NEK8: variants seen among roughly 807,000 people sequenced by gnomAD.
NEK8 encodes serine/threonine-protein kinase Nek8.
NEK8 carries 51 observed loss-of-function variants against 77.2 expected under a neutral mutation model. The ratio of observed to expected loss-of-function variants is 0.66; its 90% CI spans 0.53 to 0.83. The LOEUF (loss-of-function observed/expected upper bound fraction) is 0.83, where lower values mean the gene tolerates loss of function less well. NEK8 is among the 40% of genes least tolerant of loss of function. The probability of loss-of-function intolerance (pLI) is 0.00; values close to 1 mark genes in which losing one functional copy is unlikely to be tolerated. For missense variants in NEK8, 787 were observed against 909.2 expected (o/e 0.87, Z 1.73); for synonymous variants, 365 against 363.2 (o/e 1.00, Z -0.06).
In NEK8 at chr17:28,740,936, G is replaced by T; in HGVS notation, c.1683G>T (p.Glu561Asp). The change falls in exon 12 of 15, where the codon GAG (glutamate) becomes GAT (aspartate). Residue 561 changes from glutamate to aspartate, a missense_variant. This residue lies in a region of NEK8 where 516 missense variants were observed against 544.0 expected (regional missense o/e 0.95). Coordinates refer to ENST00000268766, the MANE Select transcript of NEK8 (RefSeq NM_178170.3). This position sits in a 1 kb window ranked among gnomAD's most constrained non-coding sequence, Gnocchi z 4.7. ...TAGGCTCTGCACCCCTGGACCAGGAGCCTCTGCTGAGTATAGACCTGGGCA... is the reference window on the plus strand; with the variant it reads ...TAGGCTCTGCACCCCTGGACCAGGATCCTCTGCTGAGTATAGACCTGGGCA... ...TLLGSAPLDQEPLLSIDLGTA... is the reference protein window; with the variant it reads ...TLLGSAPLDQDPLLSIDLGTA... The T allele has an allele frequency of 6.2e-7, 1 of 1,614,146 alleles. No homozygotes were observed. The highest frequency in any genetic ancestry group is 8.5e-7 in the Non-Finnish European group (1 of 1,180,018).
intron 1 of NEK8, among the ~76,000 whole-genome samples, chr17:28,730,693 A>C (rs548935345): frequency 1.3e-5 from 2 of 150,728 alleles, no homozygotes; most frequent in Non-Finnish European, 1.5e-5. Flanking sequence ...GAGATGGGCA[A>C]TTGCTTGAGC....
In NEK8 at chr17:28,741,723, C is replaced by T; in HGVS notation, c.2050+152C>T. The T allele has an allele frequency of 8.7e-7, 1 of 1,144,542 alleles. No individual in the cohort carries two copies. Among genetic ancestry groups the T allele is most frequent in the Non-Finnish European group, 1.3e-6 (1 of 770,348 alleles). The allele number at this position is 1,144,542 out of a possible 1,614,324, so 70.9% of individuals were successfully genotyped here. A position where few individuals can be genotyped will look rare whatever the true frequency, so the allele number is the denominator to read the frequency against. ...GCTGCGGTTGAAAAGCTTCAAGCTTCCTGCCTGGGGTGGCCAAGGCTGGTG... is the reference window on the plus strand; with the variant it reads ...GCTGCGGTTGAAAAGCTTCAAGCTTTCTGCCTGGGGTGGCCAAGGCTGGTG... On this transcript the variant is annotated intron_variant, in intron 14 of 14. Transcript: ENST00000268766. This position sits in a 1 kb window ranked among gnomAD's most constrained non-coding sequence, Gnocchi z 4.5.
chr17:28,741,957 A>G lies in NEK8; in HGVS notation c.2051-2A>G. ...CAAGGGTTTCTCTTCGGTACCCTCC[A>G]GCGGTCACAGATGAGCCGGTCCCCC... is the stretch of plus-strand genomic sequence containing the variant. On this transcript the variant is annotated splice_acceptor_variant, in intron 14 of 14. Coordinates refer to ENST00000268766, the MANE Select transcript of NEK8 (RefSeq NM_178170.3). LOFTEE classifies it high-confidence loss of function. The surrounding 1 kb of genome is among the most constrained non-coding windows in gnomAD (Gnocchi z 4.5). 6.2e-7 allele frequency: 1 copy of G among 1,614,090 alleles called. No homozygotes were observed. Among genetic ancestry groups the G allele is most frequent in the Non-Finnish European group, 8.5e-7 (1 of 1,179,994 alleles).
rs756411828 is a variant in NEK8 at position 28,734,082 on chromosome 17, G to A, written c.147G>A (p.Gln49=). ...QMTKEERQAA[Q]NECQVLKLLN... is the part of the protein sequence containing the mutation. Reference sequence around the variant, plus strand: ...CCAAGGAAGAGCGGCAGGCAGCCCAGAATGAGTGCCAGGTCCTCAAGCTGC... The same window carrying A: ...CCAAGGAAGAGCGGCAGGCAGCCCAAAATGAGTGCCAGGTCCTCAAGCTGC... The change falls in exon 2 of 15, where the codon CAG becomes CAA. Residue 49 remains glutamine (Q), a synonymous_variant. Coordinates refer to ENST00000268766, the MANE Select transcript of NEK8 (RefSeq NM_178170.3). 1 of 1,613,952 alleles carries A rather than the reference G, an allele frequency of 6.2e-7. No homozygotes were observed. The highest frequency in any genetic ancestry group is 1.1e-5 in the South Asian group (1 of 91,070).
At position 28,740,023 on chromosome 17, in the gene NEK8, C is replaced by T. The variant is rs912693083; in HGVS notation, c.1418-440C>T. Among the ~76,000 whole-genome samples, 14 of 151,978 alleles carry T rather than the reference C, an allele frequency of 9.2e-5. No individual in the cohort carries two copies. Among genetic ancestry groups the T allele is most frequent in the African/African-American group, 3.1e-4 (13 of 41,390 alleles). On this transcript the variant is annotated intron_variant, in intron 10 of 14. Coordinates refer to ENST00000268766, the MANE Select transcript of NEK8 (RefSeq NM_178170.3). This position sits in a 1 kb window ranked among gnomAD's most constrained non-coding sequence, Gnocchi z 4.7. ...GATTTTGAGCCGGCGTGGTGGCTCA[C>T]GCCTGTAATCCCAGCACTTTGGGAG...
rs960199397 is a variant in NEK8, at chr17:28,741,633, C to T, written c.2050+62C>T. On this transcript the variant is annotated intron_variant, in intron 14 of 14. Coordinates refer to ENST00000268766, the MANE Select transcript of NEK8 (RefSeq NM_178170.3). The surrounding 1 kb of genome is among the most constrained non-coding windows in gnomAD (Gnocchi z 4.5). ...AGCTGGCCCCTGTCCACACTCCCAT[C>T]CCCAGTGTTCACAGATGGCCACATC... The T allele has an allele frequency of 9.7e-6, 15 of 1,546,908 alleles. No homozygotes were observed. The highest frequency in any genetic ancestry group is 1.3e-5 in the Non-Finnish European group (15 of 1,120,636).
Position 28,741,660 on chromosome 17 carries a change from C to G in NEK8, c.2050+89C>G. The G allele has an allele frequency of 7.1e-7, 1 of 1,400,660 alleles. No homozygotes were observed. The highest frequency in any genetic ancestry group is 1.0e-6 in the Non-Finnish European group (1 of 989,504). The allele number at this position is 1,400,660 out of a possible 1,614,324, so 86.8% of individuals were successfully genotyped here. ...CCAGTGTTCACAGATGGCCACATCA[C>G]CAAAAGCATCTTTAGCCCCCAGATA... On this transcript the variant is annotated intron_variant, in intron 14 of 14. Coordinates refer to ENST00000268766, the MANE Select transcript of NEK8 (RefSeq NM_178170.3). This position sits in a 1 kb window ranked among gnomAD's most constrained non-coding sequence, Gnocchi z 4.5.
intron 9 of NEK8, 56 bp downstream of exon 9, chr17:28,738,803 A>C (rs981806181): frequency 1.4e-5 from 20 of 1,399,478 alleles, no homozygotes; most frequent in Non-Finnish European, 1.9e-5. Context: ...GGGAGCCCAC[A>C]TCTGTGAGTT....
At chr17:28,736,382 G>A (rs1158704626) in intron 4 of NEK8, among the ~76,000 whole-genome samples, 1 of 152,184 alleles carries the variant, frequency 6.6e-6, no homozygotes, top group African/African-American at 2.4e-5. Flanking sequence ...CTAGTTTACA[G>A]TCCCACCAAC....
Position 28,740,717 on chromosome 17 carries a change from T to A in NEK8, c.1568+104T>A. On this transcript the variant is annotated intron_variant, in intron 11 of 14. Transcript: ENST00000268766. The surrounding 1 kb of genome is among the most constrained non-coding windows in gnomAD (Gnocchi z 4.7). ...TCACCAAAGACCAGAATTGAGGGGGTTGAGGGTGCTATTGGTTCAACCCAG... is the reference window on the plus strand; with the variant it reads ...TCACCAAAGACCAGAATTGAGGGGGATGAGGGTGCTATTGGTTCAACCCAG... 1.3e-6 allele frequency: 2 copies of A among 1,576,288 alleles called. No homozygotes were observed. The highest frequency in any genetic ancestry group is 1.1e-5 in the South Asian group (1 of 90,304).
At chr17:28,739,453 TTTTTA>T (rs1166033143) in intron 10 of NEK8, among the ~76,000 whole-genome samples, 1 of 152,162 alleles carries the variant, frequency 6.6e-6, no homozygotes, top group Non-Finnish European at 1.5e-5. Context: ...TCCACCTAGT[TTTTTA>T]TTTTATTTTG....
At chr17:28,735,839 G>A (rs146182912) in intron 4 of NEK8, among the ~76,000 whole-genome samples, 1 of 151,814 alleles carries the variant, frequency 6.6e-6, no homozygotes, top group African/African-American at 2.4e-5. Context: ...GGTTTGATAC[G>A]TATGTATACA....
Position 28,737,224 on chromosome 17 carries a change from GTTA to G in NEK8, c.619-77_619-75del. 7.0e-7 allele frequency: 1 copy of G among 1,428,772 alleles called. No individual in the cohort carries two copies. Among genetic ancestry groups the G allele is most frequent in the African/African-American group, 1.4e-5 (1 of 71,036 alleles). 88.5% of individuals were successfully genotyped at this position (1,428,772 alleles called of 1,614,324 possible). A position where few individuals can be genotyped will look rare whatever the true frequency, so the allele number is the denominator to read the frequency against. On this transcript the variant is annotated intron_variant, in intron 4 of 14. Coordinates refer to ENST00000268766, the MANE Select transcript of NEK8 (RefSeq NM_178170.3). This position sits in a 1 kb window ranked among gnomAD's most constrained non-coding sequence, Gnocchi z 4.8. ...TAGCATGATGCCTCCAGGCAAAGCTGTTATTATCCCAGGAGACCAGGGGCTGGA... is the reference window on the plus strand; with the variant it reads ...TAGCATGATGCCTCCAGGCAAAGCTGTTATCCCAGGAGACCAGGGGCTGGA...
At chr17:28,739,750 C>T (rs2034401499) in intron 10 of NEK8, among the ~76,000 whole-genome samples, 1 of 152,012 alleles carries the variant, frequency 6.6e-6, no homozygotes, top group Non-Finnish European at 1.5e-5. Flanking sequence ...CCTGGCCCAT[C>T]CACTAATTTT....
At chr17:28,732,222 G>C (rs956061109) in intron 1 of NEK8, among the ~76,000 whole-genome samples, 1 of 151,856 alleles carries the variant, frequency 6.6e-6, no homozygotes, top group Non-Finnish European at 1.5e-5. Flanking sequence ...GGGAGGCCGA[G>C]GTGGGAGCAT....
intron 3 of NEK8, 104 bp downstream of exon 3, chr17:28,735,108 C>T (rs1366388941): frequency 1.7e-5 from 26 of 1,533,662 alleles, no homozygotes; most frequent in Non-Finnish European, 2.2e-5. Flanking sequence ...CCCTTTGGCC[C>T]CTGTTTGGGT....
chr17:28,737,661 C>T lies in NEK8; in HGVS notation c.828-14C>T, dbSNP rs1326234280. ...AGGAGGGTCTTTGTCCTTAGGCCCC[C>T]ATCTGTCCTGCAGGGCAGAGAAGTC... On this transcript the variant is annotated splice_polypyrimidine_tract_variant and intron_variant, in intron 5 of 14. Coordinates refer to ENST00000268766, the MANE Select transcript of NEK8 (RefSeq NM_178170.3). This position sits in a 1 kb window ranked among gnomAD's most constrained non-coding sequence, Gnocchi z 4.8. The T allele has an allele frequency of 1.2e-6, 2 of 1,614,178 alleles. No individual in the cohort carries two copies. Among genetic ancestry groups the T allele is most frequent in the Non-Finnish European group, 8.5e-7 (1 of 1,180,010 alleles).
chr17:28,738,270 G>C (rs757806007), intron 8 of NEK8, 25 bp downstream of exon 8: 84 of 1,613,906 alleles, frequency 5.2e-5, no homozygotes, highest in Non-Finnish European at 6.9e-5. Context: ...CTACCTTGTG[G>C]GACCTGCTCT....
In NEK8 at chr17:28,741,858, A is replaced by AG; in HGVS notation, c.2051-98dup. 7.9e-7 allele frequency: 1 copy of AG among 1,258,884 alleles called. No homozygotes were observed. Among genetic ancestry groups the AG allele is most frequent in the Non-Finnish European group, 1.2e-6 (1 of 856,150 alleles). The allele number at this position is 1,258,884 out of a possible 1,614,324, so 78.0% of individuals were successfully genotyped here. On this transcript the variant is annotated intron_variant, in intron 14 of 14. Transcript: ENST00000268766. This position sits in a 1 kb window ranked among gnomAD's most constrained non-coding sequence, Gnocchi z 4.5. ...GCTGAAACTCTCTTTCTGGCCTAAC[A>AG]GGGTCCAGAATCCAGGGCCCAGTGG...
Sources: allele counts gnomAD v4.1 joint callset (sites outside exome capture counted in the v4.1 genomes callset), GRCh38; gene constraint gnomAD v4.1.1; regional missense constraint gnomAD v4.1.1; non-coding constraint Gnocchi (gnomAD v3.1); transcripts MANE v1.5; gene names NCBI Gene and HGNC (gene_info 2026-07-23, HGNC 2026-07-21).